The following ABLIM3 variants were observed in gnomAD, a reference collection of about 807,000 sequenced individuals.
ABLIM3 encodes actin binding LIM protein family member 3, also known as actin-binding LIM protein 3.
A neutral mutation model predicts 109.5 loss-of-function variants in ABLIM3; 61 were observed. The ratio of observed to expected loss-of-function variants is 0.56; its 90% CI spans 0.45 to 0.69. The LOEUF is 0.69. ABLIM3 is among the 30% of genes least tolerant of loss of function. The pLI, the probability that ABLIM3 is intolerant of heterozygous loss-of-function variation, is 0.00. For synonymous variants in ABLIM3, 300 were observed against 324.8 expected, an observed-to-expected ratio of 0.92 and a Z score of 0.82; for missense variants, 796 against 889.5, an observed-to-expected ratio of 0.89 and a Z score of 1.34.
At chr5:149,176,635 C>T (rs1755955986) in intron 2 of ABLIM3, among the ~76,000 whole-genome samples, 1 of 152,112 alleles carries the variant, frequency 6.6e-6, no homozygotes. Flanking sequence ...GTTACGAGGG[C>T]TCAATGAGAT....
chr5:149,147,065 CTCTT>C (rs1174793226), intron 2 of ABLIM3, among the ~76,000 whole-genome samples: 1 of 145,198 alleles, frequency 6.9e-6, no homozygotes, highest in Non-Finnish European at 1.5e-5. Context: ...GTTTCTCTCT[CTCTT>C]TCTCTCTCTC....
intron 2 of ABLIM3, among the ~76,000 whole-genome samples, chr5:149,159,397 T>C (rs995080053): frequency 5.9e-5 from 9 of 152,142 alleles, no homozygotes; most frequent in African/African-American, 2.2e-4. Flanking sequence ...TTGCAAAAGG[T>C]TGCAGCAAAT....
At chr5:149,186,623 G>A (rs1389380684) in intron 3 of ABLIM3, among the ~76,000 whole-genome samples, 3 of 152,012 alleles carry the variant, frequency 2.0e-5, no homozygotes, top group Non-Finnish European at 2.9e-5. Context: ...ACTCCTCTTT[G>A]GAGGAACTCA....
At chr5:149,238,344 T>C (rs952486769) in intron 11 of ABLIM3, among the ~76,000 whole-genome samples, 8 of 152,170 alleles carry the variant, frequency 5.3e-5, no homozygotes, top group Non-Finnish European at 8.8e-5. Flanking sequence ...CCCAGGTTCT[T>C]GTCCCAGCTC....
chr5:149,225,980 GTGTATA>G (rs1172515904), intron 8 of ABLIM3, among the ~76,000 whole-genome samples: 49 of 21,876 alleles, frequency 2.2e-3, no homozygotes, highest in East Asian at 3.7e-3. Context: ...GTGTGTGTGT[GTGTATA>G]TATATATATA....
At chr5:149,150,599 A>G (rs1186983713) in intron 2 of ABLIM3, among the ~76,000 whole-genome samples, 2 of 152,212 alleles carry the variant, frequency 1.3e-5, no homozygotes, top group Non-Finnish European at 1.5e-5. Context: ...CAGCTTTCCT[A>G]TCTGGCAAAA....
At chr5:149,252,444 G>A (rs1754023737) in intron 22 of ABLIM3, 1 of 559,018 alleles carries the variant, frequency 1.8e-6, no homozygotes, top group African/African-American at 1.9e-5. Flanking sequence ...GAGACACTCT[G>A]TTGGCTTGCC....
intron 2 of ABLIM3, among the ~76,000 whole-genome samples, chr5:149,171,465 A>G (rs1561549846): frequency 6.6e-6 from 1 of 152,238 alleles, no homozygotes; most frequent in African/African-American, 2.4e-5. Flanking sequence ...AGGATCAGTG[A>G]TACAAAGCAC....
chr5:149,166,366 G>A (rs1314258251), intron 2 of ABLIM3, among the ~76,000 whole-genome samples: 1 of 152,200 alleles, frequency 6.6e-6, no homozygotes, highest in Non-Finnish European at 1.5e-5. Context: ...TGATCATGCA[G>A]CCTCTGCCAG....
chr5:149,220,373 G>A (rs1760520113), intron 8 of ABLIM3: 1 of 152,174 alleles, frequency 6.6e-6, no homozygotes, highest in African/African-American at 2.4e-5. Context: ...CCAAGGGTGG[G>A]AGATATTCTT....
At chr5:149,223,142 T>C (rs1220083746) in intron 8 of ABLIM3, among the ~76,000 whole-genome samples, 24 of 152,138 alleles carry the variant, frequency 1.6e-4, no homozygotes, top group Admixed American at 1.4e-3. Flanking sequence ...TTATTTAGAT[T>C]TTAAGGGTTA....
chr5:149,252,734 A>G, intron 22 of ABLIM3, 23 bp from the exon 23 acceptor site: 1 of 1,602,370 alleles, frequency 6.2e-7, no homozygotes, highest in Non-Finnish European at 8.5e-7. Context: ...CCCAAGCTGG[A>G]GACCACCCCC....
At chr5:149,256,313 C>T (rs1451634269) in intron 23 of ABLIM3, among the ~76,000 whole-genome samples, 1 of 152,224 alleles carries the variant, frequency 6.6e-6, no homozygotes, top group Non-Finnish European at 1.5e-5. Context: ...CCTCCAACAA[C>T]AATAACAAAC....
chr5:149,161,577 C>G (rs1022767635), intron 2 of ABLIM3, among the ~76,000 whole-genome samples: 8 of 152,206 alleles, frequency 5.3e-5, no homozygotes, highest in African/African-American at 1.4e-4. Context: ...CTGGAGTCGA[C>G]TGGGGACAGA....
chr5:149,169,554 C>G (rs889411976), intron 2 of ABLIM3, among the ~76,000 whole-genome samples: 1 of 152,172 alleles, frequency 6.6e-6, no homozygotes, highest in African/African-American at 2.4e-5. Flanking sequence ...TTTCGCCAAA[C>G]AAGATTCCCT....
intron 3 of ABLIM3, among the ~76,000 whole-genome samples, chr5:149,195,578 G>C (rs1049061731): frequency 6.6e-6 from 1 of 152,150 alleles, no homozygotes; most frequent in Non-Finnish European, 1.5e-5. Context: ...TCTCCACTGG[G>C]AGAGGTGGCT....
chr5:149,142,311 A>ATTTTATCAGC (rs1474861205), intron 2 of ABLIM3, among the ~76,000 whole-genome samples: 1 of 152,098 alleles, frequency 6.6e-6, no homozygotes, highest in Admixed American at 6.5e-5. Context: ...TTTTGCCAAT[A>ATTTTATCAGC]TTTTATCAGC....
At chr5:149,225,937 A>ATATATATG (rs1458950451) in intron 8 of ABLIM3, among the ~76,000 whole-genome samples, 1,676 of 141,438 alleles carry the variant, frequency 0.012, 56 homozygotes, top group African/African-American at 0.042. Flanking sequence ...ATATATATAT[A>ATATATATG]TATGTATGTA....
At chr5:149,205,216 C>A (rs1484791878) in intron 5 of ABLIM3, among the ~76,000 whole-genome samples, 2 of 152,130 alleles carry the variant, frequency 1.3e-5, no homozygotes, top group Non-Finnish European at 2.9e-5. Context: ...AGTCTCAGCT[C>A]CATATAAAGA....
Sources: gnomAD v4.1 joint callset for allele counts (sites outside exome capture counted in the v4.1 genomes callset) on GRCh38, gnomAD v4.1.1 for gene constraint, MANE v1.5 for transcripts, NCBI Gene and HGNC (gene_info 2026-07-23, HGNC 2026-07-21) for gene names.